Variants in FNIP2 observed in about 807,000 individuals in gnomAD.
The protein encoded by FNIP2 is folliculin-interacting protein 2.
FNIP2 carries 32 observed loss-of-function variants against 108.7 expected under a neutral mutation model. The observed-to-expected ratio is 0.29, with a 90% CI of 0.22 to 0.40. The LOEUF is 0.40. Ranked by LOEUF, FNIP2 falls within the 10% of genes least tolerant of loss-of-function variation. FNIP2 has a pLI of 1.00. For missense variants in FNIP2, 1,202 were observed against 1,381.6 expected (o/e 0.87, Z 2.06); for synonymous variants, 480 against 496.7 (o/e 0.97, Z 0.45).
chr4:158,774,669 T>G (rs1775803411), intron 1 of FNIP2, among the ~76,000 whole-genome samples: 1 of 152,176 alleles, frequency 6.6e-6, no homozygotes, highest in Non-Finnish European at 1.5e-5. Flanking sequence ...TGCAAAATGT[T>G]TACTAGTTTG....
Position 158,809,462 on chromosome 4 carries a change from AAAAT to A in FNIP2, c.108-16450_108-16447del, listed in dbSNP as rs558266942. Among the ~76,000 whole-genome samples the A allele has an allele frequency of 2.5e-3, 383 of 152,328 alleles. 3 individuals are homozygous for A. The highest frequency in any genetic ancestry group is 8.7e-3 in the African/African-American group (363 of 41,574). On this transcript the variant is annotated intron_variant, in intron 1 of 16. Coordinates refer to ENST00000264433, the MANE Select transcript of FNIP2 (RefSeq NM_020840.3). ...CAACACAGCAAGACTCCATCTCAAAAAAATAAAATCTAGTGACTCTTAAATATGA... is the reference window on the plus strand; with the variant it reads ...CAACACAGCAAGACTCCATCTCAAAAAAAATCTAGTGACTCTTAAATATGA...
At chr4:158,890,083 A>G (rs1782206859) in intron 14 of FNIP2, 2 of 985,290 alleles carry the variant, frequency 2.0e-6, no homozygotes, top group Non-Finnish European at 2.4e-6. Context: ...ATTCTACAAA[A>G]TGAGAACTGT....
chr4:158,797,568 C>T (rs562772941), intron 1 of FNIP2, among the ~76,000 whole-genome samples: 43 of 152,178 alleles, frequency 2.8e-4, no homozygotes, highest in South Asian at 1.0e-3. Flanking sequence ...GGTATGGTGG[C>T]GCATGCCTGT....
chr4:158,855,699 G>A (rs1379352403), intron 8 of FNIP2, among the ~76,000 whole-genome samples: 1 of 152,156 alleles, frequency 6.6e-6, no homozygotes, highest in Non-Finnish European at 1.5e-5. Flanking sequence ...TCCCACCTCG[G>A]CCTCCCAAAG....
At chr4:158,900,087 T>C (rs1305097588) in intron 16 of FNIP2, among the ~76,000 whole-genome samples, 1 of 152,230 alleles carries the variant, frequency 6.6e-6, no homozygotes, top group Non-Finnish European at 1.5e-5. Flanking sequence ...TATTTCTGCC[T>C]TCATTTCGTT....
intron 16 of FNIP2, among the ~76,000 whole-genome samples, chr4:158,902,749 G>A (rs191609443): frequency 3.3e-5 from 5 of 152,304 alleles, no homozygotes; most frequent in Non-Finnish European, 5.9e-5. Context: ...AGTGGGCTCC[G>A]CCCAGTTTGA....
In FNIP2 at chr4:158,829,126, A is replaced by AAGCAGCAGTGTC. The variant is rs748009456; in HGVS notation, c.292_303dup (p.Val98_Ser101dup). The AAGCAGCAGTGTC allele has an allele frequency of 5.0e-5, 81 of 1,612,212 alleles. No individual in the cohort carries two copies. Among genetic ancestry groups the AAGCAGCAGTGTC allele is most frequent in the Admixed American group, 1.3e-4 (8 of 59,880 alleles). The stretch of plus-strand genomic sequence containing the variant: ...AAATATCAGCCAAGTGCTGCCAGGG[A>AAGCAGCAGTGTC]AGCAGCAGTGTCAGCAGCAGTAGCA... On this transcript the variant is annotated inframe_insertion, in exon 3 of 17. Transcript: ENST00000264433.
intron 1 of FNIP2, among the ~76,000 whole-genome samples, chr4:158,795,071 T>C (rs1031124889): frequency 1.3e-5 from 2 of 152,354 alleles, no homozygotes; most frequent in Admixed American, 6.5e-5. Flanking sequence ...ACTGAATCCG[T>C]TTAAGAACTG....
chr4:158,846,997 A>C (rs1427822387), intron 7 of FNIP2, among the ~76,000 whole-genome samples: 2 of 152,184 alleles, frequency 1.3e-5, no homozygotes, highest in African/African-American at 4.8e-5. Flanking sequence ...TTGCATTGGA[A>C]TGCAGTGCTG....
intron 1 of FNIP2, among the ~76,000 whole-genome samples, chr4:158,800,014 G>A (rs1358440403): frequency 2.0e-5 from 3 of 152,002 alleles, no homozygotes; most frequent in East Asian, 3.9e-4. Context: ...TTACACTGCC[G>A]GCCTGACCTG....
intron 1 of FNIP2, among the ~76,000 whole-genome samples, chr4:158,820,771 C>T (rs1222025874): frequency 6.6e-6 from 1 of 152,150 alleles, no homozygotes; most frequent in East Asian, 1.9e-4. Flanking sequence ...GTTCATTATT[C>T]CTTCTGTGTC....
rs191015899 is a variant in FNIP2 at position 158,855,984 on chromosome 4, C to A, written c.858-3073C>A. ...TGTTAGAATCGGGCAACACTTTATT[C>A]TATAAAATAGAATGAATGTTTTCAG... On this transcript the variant is annotated intron_variant, in intron 8 of 16. Transcript: ENST00000264433. Among the ~76,000 whole-genome samples, 23 of 152,226 alleles carry A rather than the reference C, an allele frequency of 1.5e-4. No individual in the cohort carries two copies. In the East Asian group the frequency reaches 4.2e-3, roughly 28 times the overall value.
chr4:158,845,933 A>G (rs918003462), intron 7 of FNIP2, among the ~76,000 whole-genome samples: 12 of 152,344 alleles, frequency 7.9e-5, no homozygotes, highest in Admixed American at 6.5e-4. Flanking sequence ...TCAGCAGGAA[A>G]AAAGGAATGT....
chr4:158,799,688 T>G (rs1560761160), intron 1 of FNIP2, among the ~76,000 whole-genome samples: 2 of 152,316 alleles, frequency 1.3e-5, no homozygotes, highest in East Asian at 1.9e-4. Context: ...AAATCAAAGT[T>G]AAACTTTAAA....
At chr4:158,860,935 T>G (rs958267552) in intron 10 of FNIP2, among the ~76,000 whole-genome samples, 1 of 152,132 alleles carries the variant, frequency 6.6e-6, no homozygotes, top group Non-Finnish European at 1.5e-5. Flanking sequence ...ATTACAGGTA[T>G]GAGCCACCAC....
At position 158,831,914 on chromosome 4, in the gene FNIP2, A is replaced by G. The variant is rs768151344; in HGVS notation, c.435A>G (p.Ser145=). ...VNMLGEMMFG[S]VAMSYKGSTL... is the part of the protein sequence containing the mutation. ...TGTTAGGGGAAATGATGTTTGGCTC[A>G]GTTGCCATGAGTTACAAAGGCTCCA... is the stretch of plus-strand genomic sequence containing the variant. Residue 145 remains serine, a synonymous_variant, in exon 4 of 17, where the codon TCA becomes TCG. Transcript: ENST00000264433. 2.2e-5 allele frequency: 35 copies of G among 1,611,880 alleles called. No individual in the cohort carries two copies. In the East Asian group the frequency reaches 7.8e-4, roughly 36 times the overall value.
In FNIP2 at chr4:158,904,851, T is replaced by C. The variant is rs569454244; in HGVS notation, c.*307T>C. The C allele has an allele frequency of 1.6e-4, 49 of 298,690 alleles. No individual in the cohort carries two copies. In the East Asian group the frequency reaches 3.2e-3, roughly 20 times the overall value. 18.5% of individuals were successfully genotyped at this position (298,690 alleles called of 1,614,324 possible). A position where few individuals can be genotyped will look rare whatever the true frequency, so the allele number is the denominator to read the frequency against. The stretch of plus-strand genomic sequence containing the variant: ...TAAACACTAAGCTGTTGCAACAGAT[T>C]GCCTTGTGCTGTTTGGGCAGAATAA... On this transcript the variant is annotated 3_prime_UTR_variant, in exon 17 of 17. Transcript: ENST00000264433.
chr4:158,831,716 A>G, intron 3 of FNIP2, 145 bp from the exon 4 acceptor site: 3 of 630,812 alleles, frequency 4.8e-6, no homozygotes. Context: ...CGCCATTATA[A>G]GTTAAGATTG....
At chr4:158,895,924 C>A in intron 16 of FNIP2, 59 bp downstream of exon 16, 1 of 1,271,798 alleles carries the variant, frequency 7.9e-7, no homozygotes, top group South Asian at 1.3e-5. Flanking sequence ...GCATTGTACC[C>A]ACTAACGTGT....
Sources: gnomAD v4.1 joint callset for allele counts (sites outside exome capture counted in the v4.1 genomes callset) on GRCh38, gnomAD v4.1.1 for gene constraint, MANE v1.5 for transcripts, NCBI Gene and HGNC (gene_info 2026-07-23, HGNC 2026-07-21) for gene names.